RNF150: variants seen among roughly 807,000 people sequenced by gnomAD.
RNF150 encodes the protein ring finger protein 150.
RNF150 carries 24 observed loss-of-function variants against 39.3 expected under a neutral mutation model. The ratio of observed to expected loss-of-function variants is 0.61; its 90% CI spans 0.44 to 0.86. RNF150 has a LOEUF of 0.86. RNF150 is among the 40% of genes least tolerant of loss of function. RNF150 has a pLI of 0.00. For missense variants in RNF150, 502 were observed against 587.8 expected (o/e 0.85, Z 1.51); for synonymous variants, 255 against 227.3 (o/e 1.12, Z -1.10).
intron 1 of RNF150, among the ~76,000 whole-genome samples, chr4:141,018,532 G>A (rs1336265411): frequency 6.6e-6 from 1 of 152,110 alleles, no homozygotes; most frequent in Non-Finnish European, 1.5e-5. Context: ...CTGTAAATTT[G>A]TTTATATCAT....
At chr4:140,978,480 T>C (rs2111450955) in intron 1 of RNF150, among the ~76,000 whole-genome samples, 1 of 152,306 alleles carries the variant, frequency 6.6e-6, no homozygotes, top group South Asian at 2.1e-4. Context: ...TTTTTGAAAG[T>C]TTGTAGACAT....
intron 6 of RNF150, among the ~76,000 whole-genome samples, chr4:140,899,974 C>CTCTCTCTCTCTCTCTCTGTG (rs1365683071): frequency 1.7e-4 from 12 of 69,212 alleles, no homozygotes; most frequent in African/African-American, 5.2e-4. Context: ...CTCTCTCTCT[C>CTCTCTCTCTCTCTCTCTGTG]TGTGTGTGTG....
intron 1 of RNF150, among the ~76,000 whole-genome samples, chr4:141,061,229 A>G (rs1397034090): frequency 6.6e-6 from 1 of 152,212 alleles, no homozygotes; most frequent in Non-Finnish European, 1.5e-5. Flanking sequence ...GCATGGATGT[A>G]CATTCGCAGA....
upstream of RNF150, among the ~76,000 whole-genome samples, chr4:141,133,665 G>T (rs1330645384): frequency 1.3e-5 from 2 of 152,038 alleles, no homozygotes; most frequent in African/African-American, 4.8e-5. Context: ...GCGACCCCTC[G>T]ACCTTTGAGT....
At chr4:140,971,203 G>A (rs1260946064) in intron 1 of RNF150, among the ~76,000 whole-genome samples, 1 of 152,016 alleles carries the variant, frequency 6.6e-6, no homozygotes, top group Non-Finnish European at 1.5e-5. Flanking sequence ...TCAGGGAGAA[G>A]CCAGCAGGTT....
intron 1 of RNF150, among the ~76,000 whole-genome samples, chr4:141,207,146 C>T (rs912059768): frequency 7.9e-5 from 12 of 152,112 alleles, no homozygotes; most frequent in Admixed American, 7.9e-4. Flanking sequence ...TCTGACAACA[C>T]CCTCACAGAC....
chr4:140,915,281 T>C (rs1436200426), intron 5 of RNF150, among the ~76,000 whole-genome samples: 1 of 152,228 alleles, frequency 6.6e-6, no homozygotes, highest in African/African-American at 2.4e-5. Flanking sequence ...ACAATTTGTT[T>C]AAGCTGCATA....
intron 1 of RNF150, among the ~76,000 whole-genome samples, chr4:141,166,328 A>T (rs192014600): frequency 6.6e-6 from 1 of 152,308 alleles, no homozygotes; most frequent in African/African-American, 2.4e-5. Context: ...AACCAAAAAA[A>T]TCCCAGGACC....
intron 1 of RNF150, among the ~76,000 whole-genome samples, chr4:141,205,226 C>T (rs1430189998): frequency 1.3e-5 from 2 of 151,870 alleles, no homozygotes; most frequent in Non-Finnish European, 1.5e-5. Flanking sequence ...ATTGTTATAC[C>T]CTAAGCATCT....
intron 5 of RNF150, among the ~76,000 whole-genome samples, chr4:140,924,152 T>C (rs1490202231): frequency 6.6e-6 from 1 of 152,184 alleles, no homozygotes; most frequent in African/African-American, 2.4e-5. Flanking sequence ...ATCCAAAAGA[T>C]GCTACTGATG....
At chr4:141,000,087 G>GAGAAGAAGAAGAAGGAGA (rs1734604027) in intron 1 of RNF150, among the ~76,000 whole-genome samples, 1 of 35,902 alleles carries the variant, frequency 2.8e-5, no homozygotes, top group Non-Finnish European at 5.3e-5. Flanking sequence ...GAAGAAGAAG[G>GAGAAGAAGAAGAAGGAGA]AGAAGAAGAA....
At chr4:140,914,797 A>G (rs1043484379) in intron 5 of RNF150, among the ~76,000 whole-genome samples, 1 of 152,198 alleles carries the variant, frequency 6.6e-6, no homozygotes, top group African/African-American at 2.4e-5. Context: ...AATGATACCT[A>G]TTGTTATGGG....
intron 6 of RNF150, among the ~76,000 whole-genome samples, chr4:140,899,972 CTCTGTG>C (rs1215030399): frequency 4.7e-4 from 33 of 69,860 alleles, no homozygotes; most frequent in African/African-American, 1.5e-3. Flanking sequence ...CTCTCTCTCT[CTCTGTG>C]TGTGTGTGTG....
At chr4:140,886,190 C>CA (rs1171164182) in intron 6 of RNF150, among the ~76,000 whole-genome samples, 10,819 of 73,682 alleles carry the variant, frequency 0.15, 1,473 homozygotes, top group African/African-American at 0.35. Context: ...GACTCCATCA[C>CA]AAAAAAAAAA....
intron 5 of RNF150, 77 bp downstream of exon 5, chr4:140,925,900 G>C (rs2111321154): frequency 3.0e-6 from 3 of 989,974 alleles, no homozygotes; most frequent in East Asian, 2.4e-5. Flanking sequence ...GAACATCCAA[G>C]TATAATGTTT....
At chr4:140,970,872 T>C (rs1733437772) in intron 1 of RNF150, among the ~76,000 whole-genome samples, 2 of 152,134 alleles carry the variant, frequency 1.3e-5, no homozygotes, top group Admixed American at 1.3e-4. Flanking sequence ...AATACATTTC[T>C]AGAGTTCATC....
intron 1 of RNF150, among the ~76,000 whole-genome samples, chr4:141,008,740 C>T (rs866890428): frequency 2.0e-5 from 3 of 152,092 alleles, no homozygotes; most frequent in Non-Finnish European, 2.9e-5. Flanking sequence ...GGATTCTTTG[C>T]CATGTTGTTG....
chr4:141,104,039 C>T (rs971903845), intron 1 of RNF150, among the ~76,000 whole-genome samples: 4 of 152,058 alleles, frequency 2.6e-5, no homozygotes, highest in African/African-American at 9.7e-5. Context: ...TAATGGAGAT[C>T]GTGTGTTCTA....
intron 1 of RNF150, among the ~76,000 whole-genome samples, chr4:141,183,696 G>C (rs539045780): frequency 9.1e-4 from 137 of 149,852 alleles, no homozygotes; most frequent in African/African-American, 3.1e-3. Flanking sequence ...CCCCAACAGC[G>C]CCTCCCTGTG....
Sources: allele counts gnomAD v4.1 joint callset (sites outside exome capture counted in the v4.1 genomes callset), GRCh38; gene constraint gnomAD v4.1.1; transcripts MANE v1.5; gene names NCBI Gene and HGNC (gene_info 2026-07-23, HGNC 2026-07-21).